CHD8: variants seen among roughly 807,000 people sequenced by gnomAD.
The protein encoded by CHD8 is chromodomain helicase DNA binding protein 8, also known as ATP-dependent chromatin remodeler CHD8.
In CHD8, 31 loss-of-function variants were observed where a neutral mutation model predicts 279.2. That is an observed-to-expected ratio of 0.11 (90% confidence interval 0.08 to 0.15). The LOEUF (loss-of-function observed/expected upper bound fraction) is 0.15, where lower values mean the gene tolerates loss of function less well. Ranked by LOEUF, CHD8 falls within the 10% of genes least tolerant of loss-of-function variation. The probability of loss-of-function intolerance (pLI) is 1.00; values close to 1 mark genes in which losing one functional copy is unlikely to be tolerated. For synonymous variants in CHD8, 1,081 were observed against 1,139.6 expected (o/e 0.95, Z 1.04); for missense variants, 2,146 against 3,230.5 (o/e 0.66, Z 8.14).
chr14:21,414,472 T>C, intron 8 of CHD8, 54 bp from the exon 9 acceptor site: 1 of 977,496 alleles, frequency 1.0e-6, no homozygotes, highest in Admixed American at 2.2e-5. Flanking sequence ...GGTGGCAGGC[T>C]ACTGTCTGAA....
At chr14:21,446,136 G>C (rs1594393918) in intron 1 of CHD8, among the ~76,000 whole-genome samples, 1 of 152,322 alleles carries the variant, frequency 6.6e-6, no homozygotes, top group Non-Finnish European at 1.5e-5. Flanking sequence ...AGGTTGCAGT[G>C]AGACAAGATC....
In CHD8 at chr14:21,394,898, C is replaced by T; in HGVS notation, c.5390+14G>A. ...GAAAACACAGATCAGCACAAGTTCC[C>T]AGCTATATTTTACCGTTGTTGTTTC... On this transcript the variant is annotated intron_variant, in intron 30 of 37. Coordinates refer to ENST00000646647, the MANE Select transcript of CHD8 (RefSeq NM_001170629.2). 1 of 1,612,550 alleles carries T rather than the reference C, an allele frequency of 6.2e-7. No homozygotes were observed. The highest frequency in any genetic ancestry group is 8.5e-7 in the Non-Finnish European group (1 of 1,178,710).
intron 16 of CHD8, among the ~76,000 whole-genome samples, chr14:21,404,654 A>T (rs562361795): frequency 6.6e-6 from 1 of 152,308 alleles, no homozygotes. Context: ...TCATGGGCTC[A>T]ACCGATCTTC....
intron 27 of CHD8, chr14:21,397,253 TG>T: frequency 2.0e-6 from 1 of 488,920 alleles, no homozygotes; most frequent in South Asian, 1.4e-5. Context: ...TCAGTCATGA[TG>T]GAATGGGGAG....
intron 28 of CHD8, 98 bp from the exon 29 acceptor site, chr14:21,395,450 A>C: frequency 1.3e-6 from 1 of 782,248 alleles, no homozygotes. Flanking sequence ...CTTCTATGGC[A>C]CCAAGGGATC....
chr14:21,393,880 G>A lies in CHD8; in HGVS notation c.5915C>T (p.Ala1972Val), dbSNP rs776654883. 3.1e-6 allele frequency: 5 copies of A among 1,614,010 alleles called. No homozygotes were observed. The highest frequency in any genetic ancestry group is 4.5e-5 in the East Asian group (2 of 44,886). ...GCAGCGTGACAAGGATGGAGCTGGT[G>A]CTCCTGCTTGATGGTTCTGCATATA... The part of the protein sequence containing the change: ...MNYMQNHQAG[A>V]PAPSLSRCST... The change falls in exon 32 of 38, where the codon GCA (alanine) becomes GTA (valine). Residue 1972 changes from alanine to valine, a missense_variant. Ala to Val is a moderately conservative substitution (Grantham distance 64, BLOSUM62 0). This residue lies in a region of CHD8 where 513 missense variants were observed against 637.6 expected (regional missense o/e 0.80). Coordinates refer to ENST00000646647, the MANE Select transcript of CHD8 (RefSeq NM_001170629.2).
At chr14:21,398,260 G>C (rs1309816750) in intron 26 of CHD8, 1 of 158,232 alleles carries the variant, frequency 6.3e-6, no homozygotes, top group Non-Finnish European at 1.4e-5. Context: ...TATTTTTTGA[G>C]ATGGAGTCTC....
At chr14:21,422,110 G>A (rs1889072054) in intron 5 of CHD8, among the ~76,000 whole-genome samples, 1 of 152,210 alleles carries the variant, frequency 6.6e-6, no homozygotes, top group Non-Finnish European at 1.5e-5. Flanking sequence ...GGAGGACAAG[G>A]CAGGTGAATC....
At position 21,431,068 on chromosome 14, in the gene CHD8, T is replaced by C. The variant is rs762832210; in HGVS notation, c.576A>G (p.Ala192=). The C allele has an allele frequency of 1.4e-5, 23 of 1,599,222 alleles. No homozygotes were observed. Among genetic ancestry groups the C allele is most frequent in the Middle Eastern group, 3.3e-4 (2 of 6,082 alleles). Residue 192 remains alanine, a synonymous_variant, in exon 2 of 38, where the codon GCA becomes GCG. Coordinates refer to ENST00000646647, the MANE Select transcript of CHD8 (RefSeq NM_001170629.2). ...GITSTAQPLV[A]GTANGGKVTF... ...TGACTTTTCCACCATTGGCTGTGCC[T>C]GCCACCAGGGGCTGAGCTGTGCTGG...
chr14:21,392,983 A>AC, intron 33 of CHD8, 123 bp downstream of exon 33: 1 of 1,258,966 alleles, frequency 7.9e-7, no homozygotes, highest in Non-Finnish European at 1.1e-6. Context: ...GGAAAAAAAA[A>AC]AAAAAACTTG....
At chr14:21,388,536 C>A (rs1887381972) in intron 37 of CHD8, among the ~76,000 whole-genome samples, 1 of 152,000 alleles carries the variant, frequency 6.6e-6, no homozygotes, top group Non-Finnish European at 1.5e-5. Context: ...CTCTATTGCC[C>A]AGGCTGGAGT....
chr14:21,387,985 T>TTAATTTA (rs1267338582), intron 37 of CHD8, among the ~76,000 whole-genome samples: 1 of 144,072 alleles, frequency 6.9e-6, no homozygotes. Context: ...TAATGTTAAA[T>TTAATTTA]TAAAGACAGA....
At chr14:21,420,884 T>A (rs563785572) in intron 5 of CHD8, among the ~76,000 whole-genome samples, 2 of 152,170 alleles carry the variant, frequency 1.3e-5, no homozygotes, top group African/African-American at 4.8e-5. Flanking sequence ...TGCCTCAGCC[T>A]CCAGAGTAGC....
chr14:21,393,702 C>T lies in CHD8; in HGVS notation c.6093G>A (p.Val2031=), dbSNP rs1468092476. 10 of 1,613,842 alleles carry T rather than the reference C, an allele frequency of 6.2e-6. No individual in the cohort carries two copies. The highest frequency in any genetic ancestry group is 8.5e-6 in the Non-Finnish European group (10 of 1,179,882). Residue 2031 remains valine (V), a synonymous_variant, in exon 32 of 38, where the codon GTG becomes GTA. Coordinates refer to ENST00000646647, the MANE Select transcript of CHD8 (RefSeq NM_001170629.2). ...CTTGTGGGGTTGGTCGGCTCCTGGC[C>T]ACCACCTCGTGCTCTAGCTTTAAAG... ...SLTLKLEHEV[V]ARSRPTPQDY...
chr14:21,399,704 C>T lies in CHD8; in HGVS notation c.4819G>A (p.Glu1607Lys), dbSNP rs1252345460. The T allele has an allele frequency of 1.9e-6, 3 of 1,604,582 alleles. No individual in the cohort carries two copies. In the South Asian group the frequency reaches 3.3e-5, roughly 18 times the overall value. The change falls in exon 26 of 38, where the codon GAG becomes AAG. Residue 1607 changes from glutamate (E) to lysine (K), a missense_variant and splice_region_variant. By Grantham distance (56) the Glu-to-Lys change is moderately conservative. Coordinates refer to ENST00000646647, the MANE Select transcript of CHD8 (RefSeq NM_001170629.2). ...ACTACTGGGAACCATATGTCAATCT[C>T]ACTAAAGGTATAAGAGGGCAGAGTC... ...EKVLGGAIAS[E>K]IDIWFPVVDQ... is the part of the protein sequence containing the mutation.
At chr14:21,450,380 C>T (rs766186836) in intron 1 of CHD8, among the ~76,000 whole-genome samples, 1 of 152,056 alleles carries the variant, frequency 6.6e-6, no homozygotes, top group Non-Finnish European at 1.5e-5. Flanking sequence ...AAGAAATAAT[C>T]CCCAAAGATA....
chr14:21,419,212 T>TA (rs55897817), intron 5 of CHD8, among the ~76,000 whole-genome samples: 3 of 151,092 alleles, frequency 2.0e-5, no homozygotes, highest in African/African-American at 4.9e-5. Flanking sequence ...ATGACCTTTT[T>TA]AAAAAAAAAA....
chr14:21,391,802 C>T (rs1209874826), intron 35 of CHD8, 31 bp downstream of exon 35: 13 of 1,559,440 alleles, frequency 8.3e-6, no homozygotes, highest in East Asian at 2.2e-5. Flanking sequence ...ACAATCTAAT[C>T]GTCAGGTTAA....
chr14:21,410,035 C>T, intron 10 of CHD8, 47 bp from the exon 11 acceptor site: 1 of 1,541,492 alleles, frequency 6.5e-7, no homozygotes, highest in Non-Finnish European at 8.8e-7. Context: ...TCTGTGTTCT[C>T]TGCTCCAGTT....
Sources: gnomAD v4.1 joint callset for allele counts (sites outside exome capture counted in the v4.1 genomes callset) on GRCh38, gnomAD v4.1.1 for gene constraint, gnomAD v4.1.1 regional missense constraint, MANE v1.5 for transcripts, NCBI Gene and HGNC (gene_info 2026-07-23, HGNC 2026-07-21) for gene names.